The following SLX4 variants were observed in gnomAD, a reference collection of about 807,000 sequenced individuals.
SLX4 encodes structure-specific endonuclease subunit SLX4.
SLX4 carries 112 observed loss-of-function variants against 146.2 expected under a neutral mutation model. That is an observed-to-expected ratio of 0.77 (90% CI 0.66 to 0.90). The LOEUF is 0.90. Among genes scored for constraint, SLX4 ranks in the 40% least tolerant of loss-of-function variants. SLX4 has a pLI of 0.00. For synonymous variants in SLX4, 1,061 were observed against 997.7 expected, an observed-to-expected ratio of 1.06 and a Z score of -1.20; for missense variants, 2,563 against 2,392.7, an observed-to-expected ratio of 1.07 and a Z score of -1.49.
At position 3,597,348 on chromosome 16, in the gene SLX4, C is replaced by G; in HGVS notation, c.1683+31G>C. 6.7e-7 allele frequency: 1 copy of G among 1,498,202 alleles called. No homozygotes were observed. The highest frequency in any genetic ancestry group is 1.3e-5 in the South Asian group (1 of 75,124). The allele number at this position is 1,498,202 out of a possible 1,614,324, so 92.8% of individuals were successfully genotyped here. ...TGGGATTGCCAACCTCCCCCAAAAG[C>G]CTATCCATGTGCCTGAGGGGAGGGA... On this transcript the variant is annotated intron_variant, in intron 7 of 14. Coordinates refer to ENST00000294008, the MANE Select transcript of SLX4 (RefSeq NM_032444.4). The surrounding 1 kb of genome is among the most constrained non-coding windows in gnomAD (Gnocchi z 4.4).
At position 3,597,515 on chromosome 16, in the gene SLX4, G is replaced by A. The variant is rs199683722; in HGVS notation, c.1547C>T (p.Ala516Val). 1.8e-4 allele frequency: 289 copies of A among 1,614,084 alleles called. No homozygotes were observed. The highest frequency in any genetic ancestry group is 2.3e-4 in the Non-Finnish European group (267 of 1,180,030). ...SRILKEGWER[A>V]GQCPPPPERK... ...TTCAGGTGGAGGAGGACACTGGCCC[G>A]CTCTTTCCCACCCTTCCTTTAAAAT... is the stretch of plus-strand genomic sequence containing the variant. Residue 516 changes from alanine (A) to valine (V), a missense_variant, in exon 7 of 15, where the codon GCG becomes GTG. Physicochemically the swap from Ala to Val is moderately conservative, Grantham distance 64 (BLOSUM62 0). Transcript: ENST00000294008. The surrounding 1 kb of genome is among the most constrained non-coding windows in gnomAD (Gnocchi z 4.4).
At chr16:3,586,050 G>A (rs2040504840) in intron 12 of SLX4, among the ~76,000 whole-genome samples, 1 of 151,992 alleles carries the variant, frequency 6.6e-6, no homozygotes, top group South Asian at 2.1e-4. Context: ...TGTTGGTGGA[G>A]ATTTAAAATG....
At chr16:3,595,507 G>A in intron 9 of SLX4, 98 bp downstream of exon 9, 1 of 1,358,604 alleles carries the variant, frequency 7.4e-7, no homozygotes, top group Non-Finnish European at 1.0e-6. Flanking sequence ...CACTGCACTT[G>A]CGTTGGGGGC....
Position 3,590,206 on chromosome 16 carries a change from T to G in SLX4, c.3432A>C (p.Lys1144Asn), listed in dbSNP as rs767559955. ...GGATGACCTCATCTTCTTCGTTCAG[T>G]TTGGATGAAGATTTCTGAGATCTGG... is the stretch of plus-strand genomic sequence containing the variant. ...SSSRSQKSSS[K>N]LNEEDEVILL... The change falls in exon 12 of 15, where the codon AAA (lysine) becomes AAC (asparagine). Residue 1144 changes from lysine (K) to asparagine (N), a missense_variant. By Grantham distance (94) the Lys-to-Asn change is moderately conservative (BLOSUM62 0). Transcript: ENST00000294008. The surrounding 1 kb of genome is among the most constrained non-coding windows in gnomAD (Gnocchi z 4.8). The G allele has an allele frequency of 6.2e-7, 1 of 1,614,110 alleles. No individual in the cohort carries two copies. The highest frequency in any genetic ancestry group is 1.7e-5 in the Admixed American group (1 of 60,016).
Position 3,598,013 on chromosome 16 carries a change from A to T in SLX4, c.1164-14T>A. On this transcript the variant is annotated splice_polypyrimidine_tract_variant and intron_variant, in intron 5 of 14. Transcript: ENST00000294008. ...TGATCACTGAAGCTAGAAAACAGCCAAAGAGAAAAGTTACTGGGGCTAGAG... is the reference window on the plus strand; with the variant it reads ...TGATCACTGAAGCTAGAAAACAGCCTAAGAGAAAAGTTACTGGGGCTAGAG... The T allele has an allele frequency of 6.2e-7, 1 of 1,614,100 alleles. No homozygotes were observed. The highest frequency in any genetic ancestry group is 8.5e-7 in the Non-Finnish European group (1 of 1,180,014).
At position 3,601,132 on chromosome 16, in the gene SLX4, G is replaced by A. The variant is rs200363140; in HGVS notation, c.1010C>T (p.Pro337Leu). Residue 337 changes from proline (P) to leucine (L), a missense_variant, in exon 5 of 15, where the codon CCG (proline) becomes CTG (leucine). Coordinates refer to ENST00000294008, the MANE Select transcript of SLX4 (RefSeq NM_032444.4). ...GGTAAGAAACGGTTTCCCACAAATC[G>A]GGCACTCAGGGATCTGAGGCACAGA... ...RPSVPQIPEC[P>L]ICGKPFLTLK... is the part of the protein sequence containing the mutation. 3.2e-5 allele frequency: 51 copies of A among 1,614,048 alleles called. No homozygotes were observed. Among genetic ancestry groups the A allele is most frequent in the Middle Eastern group, 1.6e-4 (1 of 6,062 alleles).
rs1315905872 is a variant in SLX4 at position 3,608,905 on chromosome 16, CA to C, written c.59del (p.Leu20ArgfsTer24). ...GAGGGTCAATCCCAGGACAGGCAGACAGATGAGAAAGTGAACCCAAGTAGAA... is the reference window on the plus strand; with the variant it reads ...GAGGGTCAATCCCAGGACAGGCAGACGATGAGAAAGTGAACCCAAGTAGAA... ...LGFYLGSLSH[L>X]SACPGIDPRS... On this transcript the variant is annotated frameshift_variant, in exon 2 of 15. Transcript: ENST00000294008. LOFTEE classifies it high-confidence loss of function. 8 of 1,614,178 alleles carry C rather than the reference CA, an allele frequency of 5.0e-6. No homozygotes were observed. The highest frequency in any genetic ancestry group is 6.8e-6 in the Non-Finnish European group (8 of 1,180,044).
At chr16:3,595,792 G>T in intron 8 of SLX4, 99 bp from the exon 9 acceptor site, 1 of 1,359,626 alleles carries the variant, frequency 7.4e-7, no homozygotes, top group Non-Finnish European at 1.0e-6. Flanking sequence ...CCCCTGCGGT[G>T]CCTCGGAAGG....
chr16:3,606,446 G>C, intron 3 of SLX4, 28 bp downstream of exon 3: 1 of 1,609,740 alleles, frequency 6.2e-7, no homozygotes, highest in Non-Finnish European at 8.5e-7. Flanking sequence ...TTATCTCTGT[G>C]TGGAAGACAG....
At position 3,600,967 on chromosome 16, in the gene SLX4, T is replaced by C. The variant is rs1238227725; in HGVS notation, c.1163+12A>G. The C allele has an allele frequency of 6.2e-7, 1 of 1,612,912 alleles. No individual in the cohort carries two copies. The highest frequency in any genetic ancestry group is 1.3e-5 in the African/African-American group (1 of 75,016). On this transcript the variant is annotated intron_variant, in intron 5 of 14. Transcript: ENST00000294008. ...TTATTTGGCTTGGTTTTCTTCCTTT[T>C]CGTCGACTTACCTGAACATGGGTGG... is the stretch of plus-strand genomic sequence containing the variant.
chr16:3,583,104 A>T lies in SLX4; in HGVS notation c.5146T>A (p.Ser1716Thr), dbSNP rs75182789. The T allele has an allele frequency of 1.6e-3, 2,514 of 1,614,234 alleles. 34 individuals are homozygous for T. The African/African-American group carries it at 0.03, about 19-fold the overall frequency. Residue 1716 changes from serine to threonine, a missense_variant, in exon 14 of 15, where the codon TCA becomes ACA. By Grantham distance (58) the Ser-to-Thr change is moderately conservative. Transcript: ENST00000294008. ...SVDGSDSSLS[S>T]QSSSSCEFGA... The stretch of plus-strand genomic sequence containing the variant: ...TCGCATCCATCCGGTTACCTCTGTG[A>T]GCTCAAGGAGCTGTCACTGCCATCC...
intron 2 of SLX4, among the ~76,000 whole-genome samples, chr16:3,607,308 G>A (rs2040797634): frequency 1.3e-5 from 2 of 152,184 alleles, no homozygotes; most frequent in Admixed American, 6.6e-5. Flanking sequence ...ATGCCTTCCA[G>A]TAGTCTATGC....
intron 12 of SLX4, among the ~76,000 whole-genome samples, chr16:3,585,459 G>A (rs192835849): frequency 4.9e-4 from 75 of 151,948 alleles, no homozygotes; most frequent in Non-Finnish European, 9.0e-4. Flanking sequence ...GGTGGCGGGC[G>A]CCTGTAGTCC....
In SLX4 at chr16:3,583,081, G is replaced by A. The variant is rs760878902; in HGVS notation, c.5153+16C>T. On this transcript the variant is annotated intron_variant, in intron 14 of 14. Coordinates refer to ENST00000294008, the MANE Select transcript of SLX4 (RefSeq NM_032444.4). ...GATACATGAGGCCACTGACCCCATC[G>A]CATCCATCCGGTTACCTCTGTGAGC... is the stretch of plus-strand genomic sequence containing the variant. 9.3e-6 allele frequency: 15 copies of A among 1,614,030 alleles called. No individual in the cohort carries two copies. Among genetic ancestry groups the A allele is most frequent in the African/African-American group, 2.7e-5 (2 of 74,940 alleles).
At chr16:3,584,454 G>C (rs530150557) in intron 13 of SLX4, among the ~76,000 whole-genome samples, 1 of 152,160 alleles carries the variant, frequency 6.6e-6, no homozygotes, top group African/African-American at 2.4e-5. Context: ...CACTCAGACT[G>C]CTCTGGCTAG....
At position 3,591,015 on chromosome 16, in the gene SLX4, C is replaced by T. The variant is rs372976873; in HGVS notation, c.2623G>A (p.Glu875Lys). The change falls in exon 12 of 15, where the codon GAG becomes AAG. Residue 875 changes from glutamate to lysine, a missense_variant. By Grantham distance (56) the Glu-to-Lys change is moderately conservative (BLOSUM62 1). Transcript: ENST00000294008. ...LQEERAAGAG[E>K]DADWLEGGSP... ...CCACCCTCCAGCCAGTCAGCGTCCTCGCCGGCACCCGCTGCCCTTTCTTCC... is the reference window on the plus strand; with the variant it reads ...CCACCCTCCAGCCAGTCAGCGTCCTTGCCGGCACCCGCTGCCCTTTCTTCC... 5.1e-5 allele frequency: 82 copies of T among 1,614,060 alleles called. No homozygotes were observed. The highest frequency in any genetic ancestry group is 9.9e-5 in the South Asian group (9 of 91,092).
chr16:3,599,533 G>C (rs1215605769), intron 5 of SLX4, among the ~76,000 whole-genome samples: 2 of 152,252 alleles, frequency 1.3e-5, no homozygotes, highest in African/African-American at 4.8e-5. Context: ...ATTAATTCAT[G>C]CAAGATTTTT....
At chr16:3,607,299 T>G (rs2040797516) in intron 2 of SLX4, among the ~76,000 whole-genome samples, 1 of 152,158 alleles carries the variant, frequency 6.6e-6, no homozygotes, top group Admixed American at 6.6e-5. Context: ...ACACTGCTGA[T>G]GCCTTCCAGT....
rs1312929035 is a variant in SLX4, at chr16:3,597,814, C to G, written c.1349G>C (p.Arg450Thr). 10 of 1,614,168 alleles carry G rather than the reference C, an allele frequency of 6.2e-6. No homozygotes were observed. The highest frequency in any genetic ancestry group is 8.5e-6 in the Non-Finnish European group (10 of 1,180,032). Reference protein sequence around the residue: ...ALRLESAFSERIRPEAENKSR... With the variant: ...ALRLESAFSETIRPEAENKSR... ...ACACAAACCTGCTTCTGGTCTTATC[C>G]TCTCAGAAAAGGCACTTTCCAGCCT... The change falls in exon 6 of 15, where the codon AGG (arginine) becomes ACG (threonine). Residue 450 changes from arginine to threonine, a missense_variant. Transcript: ENST00000294008. This position sits in a 1 kb window ranked among gnomAD's most constrained non-coding sequence, Gnocchi z 4.4.
Sources: allele counts gnomAD v4.1 joint callset (sites outside exome capture counted in the v4.1 genomes callset), GRCh38; gene constraint gnomAD v4.1.1; non-coding constraint Gnocchi (gnomAD v3.1); transcripts MANE v1.5; gene names NCBI Gene and HGNC (gene_info 2026-07-23, HGNC 2026-07-21).